The following TCF12 variants were observed in gnomAD, a reference collection of about 807,000 sequenced individuals.
The protein encoded by TCF12 is transcription factor 12.
TCF12 carries 45 observed loss-of-function variants against 86.0 expected under a neutral mutation model. That is an observed-to-expected ratio of 0.52 (90% CI 0.41 to 0.67). The LOEUF is 0.67. Ranked by LOEUF, TCF12 falls within the 30% of genes least tolerant of loss-of-function variation. The pLI, the probability that TCF12 is intolerant of heterozygous loss-of-function variation, is 0.00. For missense variants in TCF12, 881 were observed against 859.9 expected (o/e 1.02, Z -0.31); for synonymous variants, 330 against 299.6 (o/e 1.10, Z -1.05).
Position 56,949,638 on chromosome 15 carries a change from TTACTTAACATA to T in TCF12, c.148+28554_148+28564del, listed in dbSNP as rs1447077563. Among the ~76,000 whole-genome samples, 7 of 152,342 alleles carry T rather than the reference TTACTTAACATA, an allele frequency of 4.6e-5. No individual in the cohort carries two copies. In the East Asian group the frequency reaches 5.8e-4, roughly 13 times the overall value. On this transcript the variant is annotated intron_variant, in intron 3 of 20. Transcript: ENST00000333725. ...GCTGTAAGCTTTATTTAACCAACAT[TTACTTAACATA>T]TACTTAACATATAATTTGTGCCAGG...
At chr15:56,918,151 C>T, upstream of TCF12, 1 of 453,722 alleles carries the variant, frequency 2.2e-6, no homozygotes, top group Non-Finnish European at 4.4e-6. Context: ...CCGACTGCAG[C>T]CCTCCTGGAC....
chr15:57,110,537 C>T (rs1415021342), intron 5 of TCF12, among the ~76,000 whole-genome samples: 2 of 152,144 alleles, frequency 1.3e-5, no homozygotes, highest in Admixed American at 6.5e-5. Context: ...CTCTGACTGG[C>T]TTTTATGAAT....
intron 3 of TCF12, among the ~76,000 whole-genome samples, chr15:57,008,326 T>C (rs1222117398): frequency 6.6e-6 from 1 of 152,044 alleles, no homozygotes; most frequent in Non-Finnish European, 1.5e-5. Context: ...AAAATTGTTA[T>C]TTGTGTTATA....
At chr15:57,028,433 T>C (rs1266378051) in intron 3 of TCF12, among the ~76,000 whole-genome samples, 1 of 152,214 alleles carries the variant, frequency 6.6e-6, no homozygotes, top group African/African-American at 2.4e-5. Flanking sequence ...AGTATCTCAT[T>C]ATGGTTTTAG....
chr15:57,082,363 G>T (rs1305168300), intron 4 of TCF12, among the ~76,000 whole-genome samples: 1 of 152,096 alleles, frequency 6.6e-6, no homozygotes, highest in Non-Finnish European at 1.5e-5. Context: ...AAAATATATG[G>T]TATATCTTGC....
intron 3 of TCF12, among the ~76,000 whole-genome samples, chr15:57,019,924 G>C (rs2065375481): frequency 6.6e-6 from 1 of 152,016 alleles, no homozygotes; most frequent in East Asian, 1.9e-4. Context: ...TAGTTTTAGG[G>C]GGGGACTGTT....
chr15:57,010,959 G>A (rs775614851), intron 3 of TCF12, among the ~76,000 whole-genome samples: 9 of 152,110 alleles, frequency 5.9e-5, no homozygotes, highest in Non-Finnish European at 1.0e-4. Flanking sequence ...AAATTTTTAC[G>A]AGTTGGAAAA....
intron 3 of TCF12, among the ~76,000 whole-genome samples, chr15:56,931,166 GA>G (rs11296134): frequency 0.35 from 52,672 of 151,020 alleles, 11,178 homozygotes; most frequent in African/African-American, 0.59. Context: ...TTTAAATACA[GA>G]AAAAAAAATT....
intron 3 of TCF12, among the ~76,000 whole-genome samples, chr15:57,014,862 T>TTTATTATTATTATTATTA (rs139828642): frequency 1.4e-5 from 2 of 145,398 alleles, no homozygotes; most frequent in African/African-American, 5.0e-5. Context: ...TCTCTGGACC[T>TTTATTATTATTATTATTA]TTATTATTAT....
intron 3 of TCF12, among the ~76,000 whole-genome samples, chr15:57,007,397 G>A (rs1468880626): frequency 2.0e-5 from 3 of 152,100 alleles, no homozygotes; most frequent in South Asian, 2.1e-4. Flanking sequence ...TCTGTTTGAC[G>A]TGTATTCTGT....
intron 3 of TCF12, among the ~76,000 whole-genome samples, chr15:57,022,409 T>C (rs1404304589): frequency 2.0e-5 from 3 of 152,234 alleles, no homozygotes; most frequent in Non-Finnish European, 4.4e-5. Context: ...ATCCTTTTTA[T>C]GGCTGCGTAG....
intron 3 of TCF12, among the ~76,000 whole-genome samples, chr15:57,046,796 T>G (rs2067260457): frequency 6.6e-6 from 1 of 152,202 alleles, no homozygotes; most frequent in African/African-American, 2.4e-5. Context: ...TAAATGTTCT[T>G]AATCTCTCAA....
chr15:57,069,323 A>G (rs1363920080), intron 4 of TCF12, among the ~76,000 whole-genome samples: 1 of 152,192 alleles, frequency 6.6e-6, no homozygotes, highest in Non-Finnish European at 1.5e-5. Context: ...TTTTCAGTTT[A>G]TATGTAATCT....
At chr15:57,268,191 C>T (rs1202860445) in intron 18 of TCF12, among the ~76,000 whole-genome samples, 1 of 152,158 alleles carries the variant, frequency 6.6e-6, no homozygotes, top group Non-Finnish European at 1.5e-5. Flanking sequence ...CCAACCCAAA[C>T]TCACTAAATT....
At chr15:57,290,552 C>T (rs1475846899), downstream of TCF12, among the ~76,000 whole-genome samples, 1 of 152,084 alleles carries the variant, frequency 6.6e-6, no homozygotes, top group Non-Finnish European at 1.5e-5. Flanking sequence ...GCAGGTTTGA[C>T]ATTAAAAGAA....
At chr15:57,185,445 A>G (rs2056612003) in intron 6 of TCF12, among the ~76,000 whole-genome samples, 1 of 152,240 alleles carries the variant, frequency 6.6e-6, no homozygotes, top group African/African-American at 2.4e-5. Flanking sequence ...CCAAATCAGT[A>G]ACCTAACTTC....
intron 3 of TCF12, among the ~76,000 whole-genome samples, chr15:57,023,847 A>C (rs2065647574): frequency 6.6e-6 from 1 of 152,214 alleles, no homozygotes; most frequent in African/African-American, 2.4e-5. Flanking sequence ...TGAGGGTTGT[A>C]GGGGATAGTT....
intron 6 of TCF12, among the ~76,000 whole-genome samples, chr15:57,171,303 A>G (rs749419823): frequency 7.9e-5 from 12 of 152,070 alleles, no homozygotes; most frequent in South Asian, 2.1e-4. Flanking sequence ...AGCAGAGTGG[A>G]AAGATTATTC....
At chr15:57,087,674 A>G (rs1208442975) in intron 4 of TCF12, among the ~76,000 whole-genome samples, 2 of 152,138 alleles carry the variant, frequency 1.3e-5, no homozygotes, top group Admixed American at 6.5e-5. Context: ...TTTTAGACAG[A>G]TTTTAAGTAT....
Sources: allele counts gnomAD v4.1 joint callset (sites outside exome capture counted in the v4.1 genomes callset), GRCh38; gene constraint gnomAD v4.1.1; transcripts MANE v1.5; gene names NCBI Gene and HGNC (gene_info 2026-07-23, HGNC 2026-07-21).